The following RARB variants were observed in gnomAD, a reference collection of about 807,000 sequenced individuals.
RARB encodes HBV-activated protein.
RARB carries 17 observed loss-of-function variants against 51.9 expected under a neutral mutation model. The ratio of observed to expected loss-of-function variants is 0.33; its 90% CI spans 0.22 to 0.49. The LOEUF (loss-of-function observed/expected upper bound fraction) is 0.49. Ranked by LOEUF, RARB falls within the 20% of genes least tolerant of loss-of-function variation. RARB has a pLI of 0.99. For synonymous variants in RARB, 215 were observed against 195.4 expected (o/e 1.10, Z -0.84); for missense variants, 369 against 550.8 (o/e 0.67, Z 3.30).
chr3:24,851,933 G>A (rs1041829344), intron 1 of RARB, among the ~76,000 whole-genome samples: 2 of 152,288 alleles, frequency 1.3e-5, no homozygotes, highest in Non-Finnish European at 2.9e-5. Context: ...GACATTAGTA[G>A]AAATATCTTG....
chr3:24,947,572 A>G (rs933106037), intron 2 of RARB, among the ~76,000 whole-genome samples: 2 of 152,086 alleles, frequency 1.3e-5, no homozygotes, highest in African/African-American at 2.4e-5. Flanking sequence ...TTCCACGGGG[A>G]TACATTTTTG....
At chr3:25,576,277 A>C (rs1700924787) in intron 4 of RARB, among the ~76,000 whole-genome samples, 1 of 152,154 alleles carries the variant, frequency 6.6e-6, no homozygotes, top group East Asian at 1.9e-4. Context: ...CAGTTCGAAG[A>C]AGGTGGTGCC....
At chr3:24,868,899 TATTTA>T (rs1435397721) in intron 2 of RARB, among the ~76,000 whole-genome samples, 1 of 152,178 alleles carries the variant, frequency 6.6e-6, no homozygotes, top group African/African-American at 2.4e-5. Context: ...ACTTTATATG[TATTTA>T]ATTTATGTCT....
chr3:25,301,753 G>A (rs1260255634), intron 5 of RARB, among the ~76,000 whole-genome samples: 2 of 152,168 alleles, frequency 1.3e-5, no homozygotes, highest in East Asian at 1.9e-4. Context: ...TGCGGTGGCA[G>A]TTTCCATTAT....
chr3:24,830,920 C>A (rs1020913299), intron 1 of RARB, among the ~76,000 whole-genome samples: 11 of 151,990 alleles, frequency 7.2e-5, no homozygotes, highest in Non-Finnish European at 1.2e-4. Context: ...AAGAAAAGAG[C>A]CCTGAAGCTA....
At chr3:24,926,478 G>A (rs541275198) in intron 2 of RARB, among the ~76,000 whole-genome samples, 136 of 152,162 alleles carry the variant, frequency 8.9e-4, no homozygotes, top group Non-Finnish European at 1.8e-3. Context: ...GTTGAGAAGT[G>A]GAACCATTAT....
At chr3:25,014,339 G>C (rs1697462512) in intron 2 of RARB, among the ~76,000 whole-genome samples, 1 of 152,008 alleles carries the variant, frequency 6.6e-6, no homozygotes, top group Non-Finnish European at 1.5e-5. Flanking sequence ...GGAAGCTCCT[G>C]AATTCTTTTT....
intron 2 of RARB, among the ~76,000 whole-genome samples, chr3:25,489,089 A>C (rs1696602688): frequency 6.6e-6 from 1 of 152,242 alleles, no homozygotes; most frequent in African/African-American, 2.4e-5. Context: ...AGGTCTTTGA[A>C]ACAGCAGCAG....
intron 3 of RARB, among the ~76,000 whole-genome samples, chr3:25,553,721 A>G (rs1415281666): frequency 6.6e-6 from 1 of 152,088 alleles, no homozygotes; most frequent in Non-Finnish European, 1.5e-5. Context: ...CTTCGCTGCA[A>G]CCTGGCAGGA....
intron 5 of RARB, among the ~76,000 whole-genome samples, chr3:25,245,466 G>A (rs1575252150): frequency 4.6e-5 from 7 of 152,124 alleles, no homozygotes; most frequent in Admixed American, 4.6e-4. Context: ...CACATTTAGT[G>A]TTTCCTTAAG....
chr3:25,477,399 C>T (rs1218055250), intron 2 of RARB, among the ~76,000 whole-genome samples: 1 of 152,164 alleles, frequency 6.6e-6, no homozygotes. Context: ...TTCCTTTACA[C>T]AATGGTTGAA....
intron 1 of RARB, among the ~76,000 whole-genome samples, chr3:24,835,539 T>A (rs986236820): frequency 6.6e-6 from 1 of 152,160 alleles, no homozygotes; most frequent in African/African-American, 2.4e-5. Flanking sequence ...GTTATTGCAT[T>A]TATTACTCAC....
At chr3:25,017,185 C>T (rs527882590) in intron 2 of RARB, among the ~76,000 whole-genome samples, 6 of 151,996 alleles carry the variant, frequency 3.9e-5, no homozygotes, top group South Asian at 2.1e-4. Context: ...TGGATCCTGG[C>T]CTCGTTGTTT....
chr3:25,550,285 C>T (rs565526024), intron 3 of RARB, among the ~76,000 whole-genome samples: 2 of 152,234 alleles, frequency 1.3e-5, no homozygotes, highest in East Asian at 1.9e-4. Flanking sequence ...GTGTCTGCAT[C>T]GGCCTGCCTT....
intron 1 of RARB, among the ~76,000 whole-genome samples, chr3:24,832,293 A>T (rs912655458): frequency 1.3e-5 from 2 of 152,128 alleles, no homozygotes; most frequent in Non-Finnish European, 2.9e-5. Flanking sequence ...TTTCCTTCCC[A>T]TACAAATATG....
At chr3:25,026,090 TC>T in intron 2 of RARB, among the ~76,000 whole-genome samples, 1 of 151,962 alleles carries the variant, frequency 6.6e-6, no homozygotes, top group Non-Finnish European at 1.5e-5. Context: ...GTGCTCTTGC[TC>T]CCCCCACCTT....
At chr3:25,121,366 C>G (rs542481572) in intron 3 of RARB, among the ~76,000 whole-genome samples, 2 of 152,208 alleles carry the variant, frequency 1.3e-5, no homozygotes, top group South Asian at 4.2e-4. Context: ...TTCAGAATTT[C>G]TAGCTTCCTA....
intron 2 of RARB, among the ~76,000 whole-genome samples, chr3:24,988,786 C>G (rs577349055): frequency 6.6e-5 from 10 of 152,176 alleles, no homozygotes; most frequent in African/African-American, 2.2e-4. Context: ...TTTATCCATT[C>G]TCCTATTGAT....
intron 5 of RARB, among the ~76,000 whole-genome samples, chr3:25,237,774 G>C (rs1353690324): frequency 1.3e-5 from 2 of 152,036 alleles, no homozygotes; most frequent in African/African-American, 4.8e-5. Flanking sequence ...TGCTACTCTA[G>C]TCTACTCTAC....
Sources: gnomAD v4.1 joint callset for allele counts (sites outside exome capture counted in the v4.1 genomes callset) on GRCh38, gnomAD v4.1.1 for gene constraint, MANE v1.5 for transcripts, NCBI Gene and HGNC (gene_info 2026-07-23, HGNC 2026-07-21) for gene names.